The following LRRC7 variants were observed in gnomAD, a reference collection of about 807,000 sequenced individuals.
LRRC7 encodes the protein leucine rich repeat containing 7.
LRRC7 carries 23 observed loss-of-function variants against 175.7 expected under a neutral mutation model. That is an observed-to-expected ratio of 0.13 (90% CI 0.09 to 0.19). The LOEUF is 0.19. Among genes scored for constraint, LRRC7 ranks in the 10% least tolerant of loss-of-function variants. The pLI is 1.00. For missense variants in LRRC7, 1,354 were observed against 1,904.7 expected (o/e 0.71, Z 5.38); for synonymous variants, 685 against 680.9 (o/e 1.01, Z -0.09).
At chr1:69,725,385 A>G (rs1324311784) in intron 2 of LRRC7, among the ~76,000 whole-genome samples, 2 of 152,166 alleles carry the variant, frequency 1.3e-5, no homozygotes, top group East Asian at 1.9e-4. Context: ...AACTCCAAAC[A>G]ACTTCCAAGT....
chr1:70,078,772 A>G (rs1662968192), intron 24 of LRRC7, among the ~76,000 whole-genome samples: 1 of 151,298 alleles, frequency 6.6e-6, no homozygotes, highest in South Asian at 2.1e-4. Flanking sequence ...GTCAGAGTCA[A>G]ATAATACAGT....
intron 17 of LRRC7, 108 bp from the exon 18 acceptor site, chr1:70,028,063 A>G: frequency 1.1e-6 from 1 of 944,976 alleles, no homozygotes; most frequent in South Asian, 1.6e-5. Flanking sequence ...CCAGCTCAAC[A>G]CTCACTGTAT....
At chr1:70,109,592 G>A (rs1297592144) in intron 26 of LRRC7, among the ~76,000 whole-genome samples, 1 of 152,050 alleles carries the variant, frequency 6.6e-6, no homozygotes, top group African/African-American at 2.4e-5. Flanking sequence ...CTATATTTTT[G>A]GATAGCCTAA....
In LRRC7 at chr1:69,617,547, T is replaced by TAAAAAAAAAAAAAAAAAAAAA. The variant is rs11473590; in HGVS notation, c.2+48911_2+48931dup. On this transcript the variant is annotated intron_variant, in intron 1 of 26. Coordinates refer to ENST00000651989, the MANE Select transcript of LRRC7 (RefSeq NM_001370785.2). ...GCTGAAGGTTGTTATATACTCACAG[T>TAAAAAAAAAAAAAAAAAAAAA]AAAAAAAAAAAAAAAAAAAAAAAAA... 1.5e-4 allele frequency among the ~76,000 whole-genome samples: 9 copies of TAAAAAAAAAAAAAAAAAAAAA among 62,006 alleles called. 2 individuals carry two copies. The highest frequency in any genetic ancestry group is 1.5e-3 in the South Asian group (2 of 1,314). The allele number at this position is 62,006 out of a possible 152,430, so 40.7% of individuals were successfully genotyped here.
intron 4 of LRRC7, among the ~76,000 whole-genome samples, chr1:69,805,995 T>A (rs942669322): frequency 1.3e-5 from 2 of 151,916 alleles, no homozygotes; most frequent in African/African-American, 2.4e-5. Context: ...CTGTCTTCCA[T>A]GTCTCAGTAG....
At chr1:69,762,236 G>A (rs978465420) in intron 3 of LRRC7, among the ~76,000 whole-genome samples, 1 of 151,884 alleles carries the variant, frequency 6.6e-6, no homozygotes, top group African/African-American at 2.4e-5. Context: ...GTAAAAACAT[G>A]GTTAATTTAT....
intron 7 of LRRC7, among the ~76,000 whole-genome samples, chr1:69,905,884 A>T (rs2101682613): frequency 6.6e-6 from 1 of 152,200 alleles, no homozygotes; most frequent in East Asian, 1.9e-4. Flanking sequence ...ACAGTGTAAA[A>T]GTGTTCCTAT....
chr1:69,768,676 A>G (rs1235536709), intron 3 of LRRC7, among the ~76,000 whole-genome samples: 1 of 152,188 alleles, frequency 6.6e-6, no homozygotes, highest in Non-Finnish European at 1.5e-5. Flanking sequence ...AAGTTAGAGC[A>G]TATCTGCATA....
chr1:69,972,912 C>T (rs1557945163), intron 8 of LRRC7, among the ~76,000 whole-genome samples: 1 of 145,986 alleles, frequency 6.8e-6, no homozygotes, highest in African/African-American at 2.5e-5. Flanking sequence ...TTATATATAA[C>T]TATATATTTT....
At chr1:69,931,780 A>T (rs1449390688) in intron 8 of LRRC7, among the ~76,000 whole-genome samples, 1 of 152,220 alleles carries the variant, frequency 6.6e-6, no homozygotes, top group African/African-American at 2.4e-5. Flanking sequence ...AGGACCAACT[A>T]TGTGACAGGT....
intron 26 of LRRC7, among the ~76,000 whole-genome samples, chr1:70,109,003 T>C (rs1665334431): frequency 6.7e-6 from 1 of 148,368 alleles, no homozygotes; most frequent in Non-Finnish European, 1.5e-5. Context: ...TGTTCTGTTG[T>C]TGTTGTTGTT....
At chr1:69,882,714 C>A (rs1304403829) in intron 7 of LRRC7, among the ~76,000 whole-genome samples, 2 of 150,912 alleles carry the variant, frequency 1.3e-5, no homozygotes, top group Admixed American at 1.3e-4. Flanking sequence ...GCTGCACCCA[C>A]TAACCCGTCA....
chr1:69,587,363 C>T (rs984119597), intron 1 of LRRC7, among the ~76,000 whole-genome samples: 2 of 152,168 alleles, frequency 1.3e-5, no homozygotes, highest in African/African-American at 4.8e-5. Flanking sequence ...CCAGTGGGCC[C>T]TGAGTGGACC....
intron 7 of LRRC7, among the ~76,000 whole-genome samples, chr1:69,928,606 C>T (rs986528547): frequency 1.1e-4 from 16 of 152,218 alleles, no homozygotes; most frequent in East Asian, 3.9e-4. Context: ...TAGGACCCTC[C>T]GAGCCATGTG....
intron 24 of LRRC7, 94 bp from the exon 25 acceptor site, chr1:70,089,633 G>A (rs748540137): frequency 1.2e-6 from 1 of 831,914 alleles, no homozygotes; most frequent in Non-Finnish European, 1.9e-6. Context: ...AAGAAACCAA[G>A]TGAAATGTGA....
chr1:69,922,918 G>C (rs540268884), intron 7 of LRRC7, among the ~76,000 whole-genome samples: 2 of 151,428 alleles, frequency 1.3e-5, no homozygotes, highest in South Asian at 4.2e-4. Flanking sequence ...CCATTAACTC[G>C]TCATTTAGCA....
At chr1:69,677,227 CATATA>C (rs1659884088) in intron 1 of LRRC7, among the ~76,000 whole-genome samples, 2 of 139,770 alleles carry the variant, frequency 1.4e-5, no homozygotes, top group Admixed American at 7.4e-5. Context: ...TAATATATAA[CATATA>C]TTATATATGT....
intron 2 of LRRC7, among the ~76,000 whole-genome samples, chr1:69,696,424 A>G (rs1394870784): frequency 2.0e-5 from 3 of 152,144 alleles, no homozygotes; most frequent in Non-Finnish European, 2.9e-5. Flanking sequence ...TTACAGGCTC[A>G]TAGGAGTCTC....
chr1:69,672,013 A>T (rs536363530), intron 1 of LRRC7, among the ~76,000 whole-genome samples: 11 of 152,102 alleles, frequency 7.2e-5, no homozygotes, highest in Admixed American at 2.6e-4. Flanking sequence ...CTTTAAAAAA[A>T]TTTTTTTTAT....
Sources: gnomAD v4.1 joint callset for allele counts (sites outside exome capture counted in the v4.1 genomes callset) on GRCh38, gnomAD v4.1.1 for gene constraint, MANE v1.5 for transcripts, NCBI Gene and HGNC (gene_info 2026-07-23, HGNC 2026-07-21) for gene names.